The following DUSP10 variants were observed in gnomAD, a reference collection of about 807,000 sequenced individuals.
DUSP10 encodes the protein dual specificity phosphatase 10.
DUSP10 carries 14 observed loss-of-function variants against 30.8 expected under a neutral mutation model. That is an observed-to-expected ratio of 0.46 (90% CI 0.30 to 0.71). DUSP10 has a LOEUF of 0.71. DUSP10 is among the 30% of genes least tolerant of loss of function. The probability of loss-of-function intolerance (pLI) is 0.08; values close to 1 mark genes in which losing one functional copy is unlikely to be tolerated. For missense variants in DUSP10, 550 were observed against 619.4 expected (o/e 0.89, Z 1.19); for synonymous variants, 254 against 250.4 (o/e 1.01, Z -0.14).
chr1:221,706,871 C>G lies in DUSP10; in HGVS notation c.812-405G>C, dbSNP rs748117127. Among the ~76,000 whole-genome samples, 1 of 152,148 alleles carries G rather than the reference C, an allele frequency of 6.6e-6. No individual in the cohort carries two copies. Among genetic ancestry groups the G allele is most frequent in the Non-Finnish European group, 1.5e-5 (1 of 68,026 alleles). On this transcript the variant is annotated intron_variant, in intron 2 of 3. Transcript: ENST00000366899. This position sits in a 1 kb window ranked among gnomAD's most constrained non-coding sequence, Gnocchi z 4.6. ...CCAAGAAAGGCACAGATGACCTCCTCGGGTGGAATCTCAGCACCACAGGAG... is the reference window on the plus strand; with the variant it reads ...CCAAGAAAGGCACAGATGACCTCCTGGGGTGGAATCTCAGCACCACAGGAG...
chr1:221,721,650 G>A (rs1661280319), intron 2 of DUSP10, among the ~76,000 whole-genome samples: 1 of 152,050 alleles, frequency 6.6e-6, no homozygotes, highest in Admixed American at 6.6e-5. Context: ...AATCACACTT[G>A]GTGGCCTCTT....
chr1:221,703,888 C>A (rs1259755083), intron 3 of DUSP10, among the ~76,000 whole-genome samples: 1 of 152,176 alleles, frequency 6.6e-6, no homozygotes, highest in East Asian at 1.9e-4. Context: ...TGTAAATTTT[C>A]ATCTTAAAAA....
intron 2 of DUSP10, among the ~76,000 whole-genome samples, chr1:221,707,081 A>C (rs1660792432): frequency 6.6e-6 from 1 of 152,184 alleles, no homozygotes; most frequent in African/African-American, 2.4e-5. Flanking sequence ...ACCATCTGTA[A>C]ACTGAGGGTG....
At chr1:221,737,545 G>A (rs1028321856) in intron 2 of DUSP10, 39 of 797,172 alleles carry the variant, frequency 4.9e-5, no homozygotes, top group Non-Finnish European at 5.6e-5. Flanking sequence ...CAACCACCAC[G>A]ACCAGGAAAT....
rs920911846 is a variant in DUSP10 at position 221,702,187 on chromosome 1, CTTT to C, written c.*222_*224del. 1 of 534,792 alleles carries C rather than the reference CTTT, an allele frequency of 1.9e-6. No homozygotes were observed. The highest frequency in any genetic ancestry group is 1.9e-5 in the African/African-American group (1 of 52,384). The allele number at this position is 534,792 out of a possible 1,614,324, so 33.1% of individuals were successfully genotyped here. A position where few individuals can be genotyped will look rare whatever the true frequency, so the allele number is the denominator to read the frequency against. On this transcript the variant is annotated 3_prime_UTR_variant, in exon 4 of 4. Coordinates refer to ENST00000366899, the MANE Select transcript of DUSP10 (RefSeq NM_007207.6). This position sits in a 1 kb window ranked among gnomAD's most constrained non-coding sequence, Gnocchi z 4.5. Reference sequence around the variant, plus strand: ...TATTGTTGGCTTAAAAAAATTACTTCTTTAACCTCCTTAATTTGTCAGTTTGTG... The same window carrying C: ...TATTGTTGGCTTAAAAAAATTACTTCAACCTCCTTAATTTGTCAGTTTGTG...
At chr1:221,735,316 A>G (rs766749635) in intron 2 of DUSP10, among the ~76,000 whole-genome samples, 4 of 152,204 alleles carry the variant, frequency 2.6e-5, no homozygotes, top group Non-Finnish European at 5.9e-5. Flanking sequence ...GACCCCAAGG[A>G]GGCACCTGGA....
At chr1:221,717,439 G>C (rs1456531618) in intron 2 of DUSP10, among the ~76,000 whole-genome samples, 2 of 142,240 alleles carry the variant, frequency 1.4e-5, no homozygotes, top group African/African-American at 2.6e-5. Flanking sequence ...AAAGAAAAGA[G>C]GGGGGAGGGG....
intron 2 of DUSP10, among the ~76,000 whole-genome samples, chr1:221,734,626 A>G (rs1287855265): frequency 2.0e-5 from 3 of 152,174 alleles, no homozygotes; most frequent in South Asian, 2.1e-4. Context: ...CTTTTTGTTA[A>G]TGAGGTAACT....
chr1:221,736,879 G>A lies in DUSP10; in HGVS notation c.811+2055C>T, dbSNP rs551274173. 1.6e-4 allele frequency: 157 copies of A among 985,406 alleles called. 1 individual carries two copies. In the African/African-American group the frequency reaches 2.3e-3, roughly 15 times the overall value. The allele number at this position is 985,406 out of a possible 1,614,324, so 61.0% of individuals were successfully genotyped here. ...GAGCATCTTCCAAGTCGACTGCCGCGGTGTCTCACCAACTCGAAAATGACG... is the reference window on the plus strand; with the variant it reads ...GAGCATCTTCCAAGTCGACTGCCGCAGTGTCTCACCAACTCGAAAATGACG... On this transcript the variant is annotated intron_variant, in intron 2 of 3. Coordinates refer to ENST00000366899, the MANE Select transcript of DUSP10 (RefSeq NM_007207.6).
intron 2 of DUSP10, among the ~76,000 whole-genome samples, chr1:221,730,632 A>C (rs1469445749): frequency 6.6e-6 from 1 of 152,198 alleles, no homozygotes; most frequent in Non-Finnish European, 1.5e-5. Context: ...TCTGTAAGTG[A>C]TTCTCTACTT....
intron 2 of DUSP10, among the ~76,000 whole-genome samples, chr1:221,719,669 T>C (rs1029282505): frequency 1.3e-5 from 2 of 152,208 alleles, no homozygotes; most frequent in African/African-American, 4.8e-5. Flanking sequence ...AGCGCTGACC[T>C]GGGATGCATC....
At position 221,706,244 on chromosome 1, in the gene DUSP10, C is replaced by T. The variant is rs376675915; in HGVS notation, c.1034G>A (p.Arg345Gln). The T allele has an allele frequency of 1.3e-5, 21 of 1,613,988 alleles. No individual in the cohort carries two copies. The East Asian group carries it at 1.6e-4, about 12-fold the overall frequency. ...GTTGATGACGTAGCCGATGTTCAGC[C>T]GCTGCATGGTGTCCAGGTCCTGAGC... The part of the protein sequence containing the change: ...QDAQDLDTMQ[R>Q]LNIGYVINVT... Residue 345 changes from arginine (R) to glutamine (Q), a missense_variant, in exon 3 of 4, where the codon CGG becomes CAG. By Grantham distance (43) the Arg-to-Gln change is conservative (BLOSUM62 1). Transcript: ENST00000366899. The surrounding 1 kb of genome is among the most constrained non-coding windows in gnomAD (Gnocchi z 4.6).
chr1:221,726,982 C>T (rs1235442589), intron 2 of DUSP10, among the ~76,000 whole-genome samples: 1 of 152,066 alleles, frequency 6.6e-6, no homozygotes, highest in African/African-American at 2.4e-5. Flanking sequence ...GTTCAAAGCA[C>T]TTCTACATAT....
At chr1:221,726,854 A>T (rs746369067) in intron 2 of DUSP10, among the ~76,000 whole-genome samples, 1 of 152,192 alleles carries the variant, frequency 6.6e-6, no homozygotes, top group Non-Finnish European at 1.5e-5. Flanking sequence ...CATTTTACTG[A>T]ACTATACCAC....
chr1:221,727,394 T>C (rs1007747623), intron 2 of DUSP10, among the ~76,000 whole-genome samples: 4 of 152,226 alleles, frequency 2.6e-5, no homozygotes, highest in Non-Finnish European at 4.4e-5. Context: ...AACTGAGAGT[T>C]AGGAAACATG....
chr1:221,737,421 G>T, intron 2 of DUSP10: 1 of 985,228 alleles, frequency 1.0e-6, no homozygotes, highest in Non-Finnish European at 1.2e-6. Context: ...ACAATAGCAG[G>T]GTAAATATCC....
intron 3 of DUSP10, among the ~76,000 whole-genome samples, chr1:221,703,687 T>A (rs1325304538): frequency 1.3e-5 from 2 of 152,138 alleles, no homozygotes; most frequent in African/African-American, 4.8e-5. Context: ...CTCAGGACAA[T>A]AGCATGTGGG....
Position 221,702,664 on chromosome 1 carries a change from C to A in DUSP10, c.1197G>T (p.Gln399His). ...AGTGGATGAGAAGCCCCTTCCCACA[C>A]TGGTGAGCTTCCTCTGAAAAAAGGG... ...EAFEFIEEAHQCGKGLLIHCQ... is the reference protein window; with the variant it reads ...EAFEFIEEAHHCGKGLLIHCQ... Residue 399 changes from glutamine (Q) to histidine (H), a missense_variant, in exon 4 of 4, where the codon CAG (glutamine) becomes CAT (histidine). Coordinates refer to ENST00000366899, the MANE Select transcript of DUSP10 (RefSeq NM_007207.6). This position sits in a 1 kb window ranked among gnomAD's most constrained non-coding sequence, Gnocchi z 4.5. 6.2e-7 allele frequency: 1 copy of A among 1,614,004 alleles called. No homozygotes were observed. The highest frequency in any genetic ancestry group is 8.5e-7 in the Non-Finnish European group (1 of 1,179,918).
chr1:221,703,268 A>G (rs1660662057), intron 3 of DUSP10, among the ~76,000 whole-genome samples: 1 of 152,014 alleles, frequency 6.6e-6, no homozygotes, highest in Non-Finnish European at 1.5e-5. Flanking sequence ...TGTTAATTCC[A>G]ATTTTCGGTT....
Sources: allele counts gnomAD v4.1 joint callset (sites outside exome capture counted in the v4.1 genomes callset), GRCh38; gene constraint gnomAD v4.1.1; non-coding constraint Gnocchi (gnomAD v3.1); transcripts MANE v1.5; gene names NCBI Gene and HGNC (gene_info 2026-07-23, HGNC 2026-07-21).